IL15: variants seen among roughly 807,000 people sequenced by gnomAD.
IL15 encodes the protein interleukin 15, also known as interleukin-15.
Under a neutral mutation model 19.6 loss-of-function variants are expected in IL15, and 11 were observed. That is an observed-to-expected ratio of 0.56 (90% CI 0.35 to 0.93). The LOEUF (loss-of-function observed/expected upper bound fraction) is 0.93, where lower values mean the gene tolerates loss of function less well. Among genes scored for constraint, IL15 ranks in the 40% least tolerant of loss-of-function variants. The pLI, the probability that IL15 is intolerant of heterozygous loss-of-function variation, is 0.01. For missense variants in IL15, 197 were observed against 186.5 expected (o/e 1.06, Z -0.33); for synonymous variants, 58 against 59.6 (o/e 0.97, Z 0.12).
chr4:141,704,582 C>A, intron 2 of IL15: 1 of 380,458 alleles, frequency 2.6e-6, no homozygotes, highest in Non-Finnish European at 5.3e-6. Flanking sequence ...AAGTATTCTC[C>A]CATCTTCAAT....
intron 6 of IL15, among the ~76,000 whole-genome samples, chr4:141,729,210 G>A (rs549270894): frequency 3.9e-5 from 6 of 152,104 alleles, no homozygotes; most frequent in South Asian, 4.2e-4. Context: ...GCAAGGTATC[G>A]AGGACACAAA....
intron 7 of IL15, 134 bp from the exon 8 acceptor site, chr4:141,732,604 G>T (rs1004435834): frequency 1.7e-6 from 2 of 1,143,348 alleles, no homozygotes; most frequent in African/African-American, 1.6e-5. Context: ...TTCCTAATAT[G>T]CTATTTATTT....
chr4:141,732,417 G>A (rs1730479801), intron 7 of IL15, among the ~76,000 whole-genome samples: 2 of 152,180 alleles, frequency 1.3e-5, no homozygotes, highest in African/African-American at 2.4e-5. Context: ...AAGAGCCTGT[G>A]TGCTATGCAG....
chr4:141,652,440 T>C (rs1033544151), intron 1 of IL15, among the ~76,000 whole-genome samples: 3 of 152,124 alleles, frequency 2.0e-5, no homozygotes, highest in Non-Finnish European at 4.4e-5. Flanking sequence ...ATAAACTTTA[T>C]TAATAGAGAC....
chr4:141,697,745 CTTTAT>C (rs1323721517), intron 2 of IL15, among the ~76,000 whole-genome samples: 1 of 151,612 alleles, frequency 6.6e-6, no homozygotes, highest in African/African-American at 2.4e-5. Flanking sequence ...AGGTATATTC[CTTTAT>C]TTTTTTTTCA....
At chr4:141,720,669 C>T (rs952145536) in intron 4 of IL15, 103 bp downstream of exon 4, 2 of 744,678 alleles carry the variant, frequency 2.7e-6, no homozygotes, top group Non-Finnish European at 4.9e-6. Flanking sequence ...TTGCTTATAT[C>T]TCTAGGTACT....
chr4:141,650,853 C>G (rs986875786), intron 1 of IL15, among the ~76,000 whole-genome samples: 3 of 151,974 alleles, frequency 2.0e-5, no homozygotes, highest in Non-Finnish European at 4.4e-5. Context: ...CACTTAAAGA[C>G]ATAAAGTACC....
At chr4:141,727,579 G>C (rs1014925651) in intron 5 of IL15, among the ~76,000 whole-genome samples, 4 of 152,110 alleles carry the variant, frequency 2.6e-5, no homozygotes, top group Admixed American at 6.6e-5. Context: ...TGTCTTAACT[G>C]TGGTGGTGGT....
At chr4:141,665,498 A>T (rs1162563965) in intron 2 of IL15, among the ~76,000 whole-genome samples, 1 of 152,118 alleles carries the variant, frequency 6.6e-6, no homozygotes, top group Non-Finnish European at 1.5e-5. Flanking sequence ...TTTTTGGATG[A>T]ACTTACGGAT....
chr4:141,719,592 G>A (rs1433076158), intron 3 of IL15, 116 bp downstream of exon 3: 2 of 773,436 alleles, frequency 2.6e-6, no homozygotes, highest in East Asian at 5.7e-5. Flanking sequence ...AGATATCACA[G>A]ATGTCTGTTC....
chr4:141,658,147 C>T (rs980524523), intron 2 of IL15, among the ~76,000 whole-genome samples: 9 of 152,086 alleles, frequency 5.9e-5, no homozygotes, highest in Non-Finnish European at 1.0e-4. Context: ...TGAGTTCTCA[C>T]GAGATTTGGT....
At chr4:141,706,275 G>A (rs114590616) in intron 2 of IL15, among the ~76,000 whole-genome samples, 312 of 151,504 alleles carry the variant, frequency 2.1e-3, no homozygotes, top group African/African-American at 6.9e-3. Flanking sequence ...GGGTACTGAT[G>A]GTTTATTTAA....
chr4:141,667,575 A>G (rs2152165642), intron 2 of IL15, among the ~76,000 whole-genome samples: 1 of 152,094 alleles, frequency 6.6e-6, no homozygotes, highest in South Asian at 2.1e-4. Flanking sequence ...TTCACTCTGT[A>G]TGCCACTTAC....
intron 2 of IL15, among the ~76,000 whole-genome samples, chr4:141,705,371 T>A (rs1489613762): frequency 6.6e-6 from 1 of 152,060 alleles, no homozygotes; most frequent in Non-Finnish European, 1.5e-5. Context: ...TTAATTTCTA[T>A]GTATTTTTAA....
intron 1 of IL15, among the ~76,000 whole-genome samples, chr4:141,641,848 A>T (rs1727056060): frequency 6.6e-6 from 1 of 152,026 alleles, no homozygotes; most frequent in Non-Finnish European, 1.5e-5. Context: ...AATTTAAAAA[A>T]AAAAAAGCCG....
chr4:141,720,393 A>T (rs1456428453), intron 3 of IL15, 76 bp from the exon 4 acceptor site: 1 of 750,102 alleles, frequency 1.3e-6, no homozygotes, highest in East Asian at 2.5e-5. Flanking sequence ...AGACCTAAAA[A>T]TATGTTGACA....
At chr4:141,727,138 C>G (rs902316295) in intron 5 of IL15, among the ~76,000 whole-genome samples, 1 of 152,084 alleles carries the variant, frequency 6.6e-6, no homozygotes. Context: ...TGGCATTATA[C>G]ATTTGTCAAA....
chr4:141,707,215 T>A (rs1448689330), intron 2 of IL15, among the ~76,000 whole-genome samples: 1 of 152,136 alleles, frequency 6.6e-6, no homozygotes, highest in Non-Finnish European at 1.5e-5. Flanking sequence ...TTGTATTTTT[T>A]AAATTTTCAT....
At chr4:141,656,739 G>A (rs1727617624) in intron 2 of IL15, among the ~76,000 whole-genome samples, 1 of 152,136 alleles carries the variant, frequency 6.6e-6, no homozygotes, top group African/African-American at 2.4e-5. Flanking sequence ...ACAGAATTGT[G>A]CATATCACTT....
Sources: allele counts gnomAD v4.1 joint callset (sites outside exome capture counted in the v4.1 genomes callset), GRCh38; gene constraint gnomAD v4.1.1; transcripts MANE v1.5; gene names NCBI Gene and HGNC (gene_info 2026-07-23, HGNC 2026-07-21).